Variants in PSENEN observed in about 807,000 individuals in gnomAD.
PSENEN encodes gamma-secretase subunit PEN-2.
PSENEN carries 4 observed loss-of-function variants against 15.4 expected under a neutral mutation model. That is an observed-to-expected ratio of 0.26 (90% CI 0.13 to 0.59). The LOEUF is 0.59. Ranked by LOEUF, PSENEN falls within the 20% of genes least tolerant of loss-of-function variation. The probability of loss-of-function intolerance (pLI) is 0.89; values close to 1 mark genes in which losing one functional copy is unlikely to be tolerated. For missense variants in PSENEN, 112 were observed against 120.3 expected (o/e 0.93, Z 0.32); for synonymous variants, 42 against 46.5 (o/e 0.90, Z 0.39).
rs747857862 is a variant in PSENEN at position 35,745,915 on chromosome 19, C to G, written c.-16C>G. The G allele has an allele frequency of 6.2e-7, 1 of 1,613,954 alleles. No individual in the cohort carries two copies. Among genetic ancestry groups the G allele is most frequent in the South Asian group, 1.1e-5 (1 of 91,082 alleles). On this transcript the variant is annotated 5_prime_UTR_variant, in exon 2 of 4. Transcript: ENST00000587708. ...TGCCCCGCAGACCCTTGGGACGACCCGGCCCCAGCGCAGCTATGAACCTGG... is the reference window on the plus strand; with the variant it reads ...TGCCCCGCAGACCCTTGGGACGACCGGGCCCCAGCGCAGCTATGAACCTGG...
intron 2 of PSENEN, 86 bp downstream of exon 2, chr19:35,746,077 TAAGTCTAAGAGATGAAGG>T: frequency 7.1e-7 from 1 of 1,400,492 alleles, no homozygotes. Context: ...CCTGGATTCT[TAAGTCTAAGAGATGAAGG>T]ACCTGCGAAC....
chr19:35,746,780 T>G lies in PSENEN; in HGVS notation c.239T>G (p.Ile80Ser). ...VLTSWITIFQ[I>S]YRPRWGALGD... The stretch of plus-strand genomic sequence containing the variant: ...ACCTCCTGGATCACCATCTTCCAGA[T>G]CTACCGGCCCCGCTGGGGTGCCCTT... The change falls in exon 4 of 4, where the codon ATC (isoleucine) becomes AGC (serine). Residue 80 changes from isoleucine to serine, a missense_variant. Transcript: ENST00000587708. 1.9e-6 allele frequency: 3 copies of G among 1,614,124 alleles called. No individual in the cohort carries two copies. In the South Asian group the frequency reaches 3.3e-5, roughly 18 times the overall value.
chr19:35,746,809 G>A lies in PSENEN; in HGVS notation c.268G>A (p.Asp90Asn), dbSNP rs2146520892. 6.2e-7 allele frequency: 1 copy of A among 1,613,966 alleles called. No homozygotes were observed. Among genetic ancestry groups the A allele is most frequent in the Non-Finnish European group, 8.5e-7 (1 of 1,179,978 alleles). ...IYRPRWGALG[D>N]YLSFTIPLGT... Reference sequence around the variant, plus strand: ...CCGGCCCCGCTGGGGTGCCCTTGGGGACTACCTCTCCTTCACCATACCCCT... The same window carrying A: ...CCGGCCCCGCTGGGGTGCCCTTGGGAACTACCTCTCCTTCACCATACCCCT... Residue 90 changes from aspartate to asparagine, a missense_variant, in exon 4 of 4, where the codon GAC (aspartate) becomes AAC (asparagine). Coordinates refer to ENST00000587708, the MANE Select transcript of PSENEN (RefSeq NM_172341.4).
intron 3 of PSENEN, 36 bp downstream of exon 3, chr19:35,746,559 A>G (rs1970577393): frequency 6.2e-7 from 1 of 1,602,220 alleles, no homozygotes; most frequent in South Asian, 1.1e-5. Flanking sequence ...GGCCAGTGGC[A>G]GGGGAGAGGG....
Position 35,747,496 on chromosome 19 carries a change from A to C in PSENEN, c.*649A>C, listed in dbSNP as rs1970615264. ...GGAAGTGTTGTCTGCAAAAATAAAAATAGTCAAGAGCTTTCTCAGAGAATC... is the reference window on the plus strand; with the variant it reads ...GGAAGTGTTGTCTGCAAAAATAAAACTAGTCAAGAGCTTTCTCAGAGAATC... On this transcript the variant is annotated 3_prime_UTR_variant, in exon 4 of 4. Transcript: ENST00000587708. The C allele has an allele frequency of 1.3e-5, 2 of 152,186 alleles. No individual in the cohort carries two copies. The highest frequency in any genetic ancestry group is 4.8e-5 in the African/African-American group (2 of 41,436). The allele number at this position is 152,186 out of a possible 1,614,324, so 9.4% of individuals were successfully genotyped here. A position where few individuals can be genotyped will look rare whatever the true frequency, so the allele number is the denominator to read the frequency against.
chr19:35,745,788 C>A, intron 1 of PSENEN, 47 bp from the exon 2 acceptor site: 1 of 884,922 alleles, frequency 1.1e-6, no homozygotes, highest in Non-Finnish European at 1.9e-6. Context: ...GGATGCCCTG[C>A]TTTCAGCAAA....
Position 35,745,835 on chromosome 19 carries a change from G to A in PSENEN, c.-96G>A. The A allele has an allele frequency of 8.3e-7, 1 of 1,199,110 alleles. No homozygotes were observed. The highest frequency in any genetic ancestry group is 1.2e-6 in the Non-Finnish European group (1 of 803,312). 74.3% of individuals were successfully genotyped at this position (1,199,110 alleles called of 1,614,324 possible). On this transcript the variant is annotated splice_region_variant and 5_prime_UTR_variant, in exon 2 of 4. Transcript: ENST00000587708. ...ATTTATCTCTGATTTGTTCTAATAG[G>A]GGCGTGGTTGTTCGTGATCCTTGCA...
chr19:35,746,594 G>T (rs1970579006), intron 3 of PSENEN, 71 bp downstream of exon 3: 1 of 1,603,934 alleles, frequency 6.2e-7, no homozygotes, highest in African/African-American at 1.3e-5. Context: ...TTGGTGGGAA[G>T]GGACAATGGA....
At position 35,745,950 on chromosome 19, in the gene PSENEN, C is replaced by T. The variant is rs943285166; in HGVS notation, c.20C>T (p.Ser7Phe). 6.2e-7 allele frequency: 1 copy of T among 1,614,140 alleles called. No individual in the cohort carries two copies. Among genetic ancestry groups the T allele is most frequent in the Non-Finnish European group, 8.5e-7 (1 of 1,180,030 alleles). The stretch of plus-strand genomic sequence containing the variant: ...GCAGCTATGAACCTGGAGCGAGTGT[C>T]CAATGAGGAGAAATTGAACCTGTGC... Reference protein sequence around the residue: MNLERVSNEEKLNLCRK... With the variant: MNLERVFNEEKLNLCRK... The change falls in exon 2 of 4, where the codon TCC (serine) becomes TTC (phenylalanine). Residue 7 changes from serine (S) to phenylalanine (F), a missense_variant. Physicochemically the swap from Ser to Phe is radical, Grantham distance 155. Transcript: ENST00000587708.
Position 35,746,489 on chromosome 19 carries a change from C to T in PSENEN, c.132C>T (p.Val44=), listed in dbSNP as rs1375300109. Residue 44 remains valine, a synonymous_variant, in exon 3 of 4, where the codon GTC becomes GTT. Transcript: ENST00000587708. ...GGTTCTTCCGAGAGGCCTTCCTTGT[C>T]CCAGCCTACACAGAACAGAGCCAAA... ...IFWFFREAFL[V]PAYTEQSQIK... The T allele has an allele frequency of 6.2e-7, 1 of 1,613,774 alleles. No individual in the cohort carries two copies. The highest frequency in any genetic ancestry group is 8.5e-7 in the Non-Finnish European group (1 of 1,179,990).
chr19:35,746,658 C>G, intron 3 of PSENEN, 50 bp from the exon 4 acceptor site: 1 of 1,614,050 alleles, frequency 6.2e-7, no homozygotes, highest in Non-Finnish European at 8.5e-7. Context: ...CTAGGGAAGT[C>G]TGGAGAGCAG....
chr19:35,746,002 T>C lies in PSENEN; in HGVS notation c.61+11T>C. 6.2e-7 allele frequency: 1 copy of C among 1,613,724 alleles called. No individual in the cohort carries two copies. Among genetic ancestry groups the C allele is most frequent in the Non-Finnish European group, 8.5e-7 (1 of 1,179,796 alleles). ...GGAAGTACTACCTGGGTAAGGCAGA[T>C]CGCTAGGGTCCCAGGAGAAGAGAGG... is the stretch of plus-strand genomic sequence containing the variant. On this transcript the variant is annotated intron_variant, in intron 2 of 3. Transcript: ENST00000587708.
chr19:35,745,784 C>T lies in PSENEN; in HGVS notation c.-96-51C>T, dbSNP rs962935812. On this transcript the variant is annotated intron_variant, in intron 1 of 3. Transcript: ENST00000587708. The stretch of plus-strand genomic sequence containing the variant: ...AGCTTACTAGTGGGGGTGGGGATGC[C>T]CTGCTTTCAGCAAACCGACCTTTAC... 16 of 858,346 alleles carry T rather than the reference C, an allele frequency of 1.9e-5. No homozygotes were observed. The African/African-American group carries it at 2.5e-4, about 13-fold the overall frequency. 53.2% of individuals were successfully genotyped at this position (858,346 alleles called of 1,614,324 possible). A position where few individuals can be genotyped will look rare whatever the true frequency, so the allele number is the denominator to read the frequency against.
At chr19:35,746,248 TTCCTGGA>T (rs1970564403) in intron 2 of PSENEN, among the ~76,000 whole-genome samples, 164 bp from the exon 3 acceptor site, 1 of 152,162 alleles carries the variant, frequency 6.6e-6, no homozygotes, top group Admixed American at 6.5e-5. Flanking sequence ...AGGAATCAGA[TTCCTGGA>T]TCCCAAAGAG....
chr19:35,746,556 G>T, intron 3 of PSENEN, 33 bp downstream of exon 3: 1 of 1,604,686 alleles, frequency 6.2e-7, no homozygotes, highest in South Asian at 1.1e-5. Flanking sequence ...GGAGGCCAGT[G>T]GCAGGGGAGA....
At position 35,746,801 on chromosome 19, in the gene PSENEN, C is replaced by A; in HGVS notation, c.260C>A (p.Ala87Asp). Residue 87 changes from alanine (A) to aspartate (D), a missense_variant, in exon 4 of 4, where the codon GCC becomes GAC. Transcript: ENST00000587708. ...CAGATCTACCGGCCCCGCTGGGGTG[C>A]CCTTGGGGACTACCTCTCCTTCACC... is the stretch of plus-strand genomic sequence containing the variant. Reference protein sequence around the residue: ...IFQIYRPRWGALGDYLSFTIP... With the variant: ...IFQIYRPRWGDLGDYLSFTIP... The A allele has an allele frequency of 6.2e-7, 1 of 1,614,010 alleles. No homozygotes were observed. The highest frequency in any genetic ancestry group is 8.5e-7 in the Non-Finnish European group (1 of 1,179,978).
Position 35,746,494 on chromosome 19 carries a change from C to A in PSENEN, c.137C>A (p.Ala46Asp), listed in dbSNP as rs749446715. The change falls in exon 3 of 4, where the codon GCC becomes GAC. Residue 46 changes from alanine to aspartate, a missense_variant. Ala to Asp is a moderately radical substitution (Grantham distance 126). Coordinates refer to ENST00000587708, the MANE Select transcript of PSENEN (RefSeq NM_172341.4). ...WFFREAFLVPAYTEQSQIKGY... is the reference protein window; with the variant it reads ...WFFREAFLVPDYTEQSQIKGY... ...TTCCGAGAGGCCTTCCTTGTCCCAG[C>A]CTACACAGAACAGAGCCAAATCAAA... 1.9e-5 allele frequency: 31 copies of A among 1,613,858 alleles called. No homozygotes were observed. The East Asian group carries it at 6.5e-4, about 34-fold the overall frequency.
rs1970595690 is a variant in PSENEN, at chr19:35,746,935, A to G, written c.*88A>G. Reference sequence around the variant, plus strand: ...GCCTGTCCTGGGAGCCCCTTCTCAAACTCCTAAGACTTGTTTTCATGTCCC... The same window carrying G: ...GCCTGTCCTGGGAGCCCCTTCTCAAGCTCCTAAGACTTGTTTTCATGTCCC... On this transcript the variant is annotated 3_prime_UTR_variant, in exon 4 of 4. Coordinates refer to ENST00000587708, the MANE Select transcript of PSENEN (RefSeq NM_172341.4). 3.7e-6 allele frequency: 5 copies of G among 1,357,998 alleles called. No homozygotes were observed. The allele number at this position is 1,357,998 out of a possible 1,614,324, so 84.1% of individuals were successfully genotyped here.
In PSENEN at chr19:35,747,052, A is replaced by G; in HGVS notation, c.*205A>G. Reference sequence around the variant, plus strand: ...AGAGGTTGAGGCATAAATGATTATTAATATTTAAAAACATCTGTTGAGAGC... The same window carrying G: ...AGAGGTTGAGGCATAAATGATTATTGATATTTAAAAACATCTGTTGAGAGC... On this transcript the variant is annotated 3_prime_UTR_variant, in exon 4 of 4. Transcript: ENST00000587708. 1.8e-6 allele frequency: 1 copy of G among 542,646 alleles called. No homozygotes were observed. The highest frequency in any genetic ancestry group is 3.2e-6 in the Non-Finnish European group (1 of 312,270). 33.6% of individuals were successfully genotyped at this position (542,646 alleles called of 1,614,324 possible).
Sources: allele counts gnomAD v4.1 joint callset (sites outside exome capture counted in the v4.1 genomes callset), GRCh38; gene constraint gnomAD v4.1.1; transcripts MANE v1.5; gene names NCBI Gene and HGNC (gene_info 2026-07-23, HGNC 2026-07-21).